The following HDAC9 variants were observed in gnomAD, a reference collection of about 807,000 sequenced individuals.
HDAC9 encodes the protein MEF-2 interacting transcription repressor (MITR) protein.
Under a neutral mutation model 139.4 loss-of-function variants are expected in HDAC9, and 41 were observed. The observed-to-expected ratio is 0.29, with a 90% CI of 0.23 to 0.38. HDAC9 has a LOEUF of 0.38. Ranked by LOEUF, HDAC9 falls within the 10% of genes least tolerant of loss-of-function variation. The pLI, the probability that HDAC9 is intolerant of heterozygous loss-of-function variation, is 1.00. For missense variants in HDAC9, 1,147 were observed against 1,297.0 expected, an observed-to-expected ratio of 0.88 and a Z score of 1.78; for synonymous variants, 517 against 476.2, an observed-to-expected ratio of 1.09 and a Z score of -1.12.
At chr7:18,141,125 C>G (rs1562666692) in intron 1 of HDAC9, among the ~76,000 whole-genome samples, 1 of 152,112 alleles carries the variant, frequency 6.6e-6, no homozygotes, top group Admixed American at 6.6e-5. Flanking sequence ...AGCACAGCTT[C>G]TATTGTTCTG....
chr7:18,412,961 T>C (rs1432503958), intron 1 of HDAC9, among the ~76,000 whole-genome samples: 2 of 152,196 alleles, frequency 1.3e-5, no homozygotes, highest in African/African-American at 4.8e-5. Flanking sequence ...CAAACTACAT[T>C]AGAAACAAGT....
chr7:18,229,798 A>G (rs949866401), intron 2 of HDAC9, among the ~76,000 whole-genome samples: 1 of 152,204 alleles, frequency 6.6e-6, no homozygotes, highest in Non-Finnish European at 1.5e-5. Flanking sequence ...GGAAAAAATC[A>G]TGGAAAGCAT....
chr7:18,711,530 TG>T (rs541099368), intron 12 of HDAC9, among the ~76,000 whole-genome samples: 73 of 152,318 alleles, frequency 4.8e-4, no homozygotes, highest in African/African-American at 1.7e-3. Flanking sequence ...GAGGGAGTCT[TG>T]CACGTGTTGA....
chr7:18,306,093 A>G (rs979938953), intron 1 of HDAC9, among the ~76,000 whole-genome samples: 4 of 152,244 alleles, frequency 2.6e-5, no homozygotes, highest in Non-Finnish European at 5.9e-5. Flanking sequence ...AAGGCAGCCA[A>G]AAAACAATAT....
chr7:18,202,268 TTTG>T (rs1417075651), intron 2 of HDAC9, among the ~76,000 whole-genome samples: 18 of 152,340 alleles, frequency 1.2e-4, no homozygotes, highest in Non-Finnish European at 7.3e-5. Context: ...ACTATTTCAT[TTTG>T]TTCCAGATAT....
At chr7:18,503,915 T>C (rs546516701) in intron 2 of HDAC9, among the ~76,000 whole-genome samples, 1 of 152,298 alleles carries the variant, frequency 6.6e-6, no homozygotes, top group Admixed American at 6.5e-5. Context: ...CATGAAGTTG[T>C]TTCAAAATTT....
At chr7:18,435,867 G>A (rs560788702) in intron 1 of HDAC9, among the ~76,000 whole-genome samples, 1 of 149,460 alleles carries the variant, frequency 6.7e-6, no homozygotes, top group Non-Finnish European at 1.5e-5. Context: ...TGAAAAGAGA[G>A]TGATATGCAA....
chr7:18,761,454 A>G (rs1449852192), intron 14 of HDAC9, among the ~76,000 whole-genome samples: 1 of 152,230 alleles, frequency 6.6e-6, no homozygotes, highest in Non-Finnish European at 1.5e-5. Context: ...AAAATGTTAA[A>G]AATGAAATAC....
intron 8 of HDAC9, among the ~76,000 whole-genome samples, chr7:18,641,530 T>G (rs1394348526): frequency 6.6e-6 from 1 of 152,138 alleles, no homozygotes; most frequent in African/African-American, 2.4e-5. Flanking sequence ...TTGTGAAGGT[T>G]AAACAATAGC....
At chr7:18,965,021 A>G (rs1011219181) in intron 24 of HDAC9, among the ~76,000 whole-genome samples, 4 of 152,234 alleles carry the variant, frequency 2.6e-5, no homozygotes, top group Admixed American at 2.6e-4. Context: ...AGCCCTCATA[A>G]AAGCTATACT....
At chr7:18,803,605 C>A (rs1363862892) in intron 17 of HDAC9, among the ~76,000 whole-genome samples, 1 of 152,114 alleles carries the variant, frequency 6.6e-6, no homozygotes, top group Non-Finnish European at 1.5e-5. Flanking sequence ...ATCTTCTGTG[C>A]TTTTCTGGCT....
At chr7:18,414,725 G>C (rs1209104837) in intron 1 of HDAC9, among the ~76,000 whole-genome samples, 1 of 152,132 alleles carries the variant, frequency 6.6e-6, no homozygotes, top group Non-Finnish European at 1.5e-5. Flanking sequence ...ACATTGTAAT[G>C]GTAGGCACAA....
chr7:18,088,742 C>T (rs542159754), intron 1 of HDAC9, among the ~76,000 whole-genome samples: 35 of 152,196 alleles, frequency 2.3e-4, no homozygotes, highest in Admixed American at 2.2e-3. Context: ...CTTCCTTATC[C>T]TTTTAAACCA....
chr7:18,574,457 C>T (rs994506159), intron 2 of HDAC9, among the ~76,000 whole-genome samples: 4 of 152,210 alleles, frequency 2.6e-5, no homozygotes, highest in African/African-American at 9.6e-5. Flanking sequence ...GGATAAAGCA[C>T]CATAAGTTCT....
chr7:18,202,915 C>T (rs1428133522), intron 2 of HDAC9, among the ~76,000 whole-genome samples: 1 of 152,172 alleles, frequency 6.6e-6, no homozygotes, highest in Non-Finnish European at 1.5e-5. Flanking sequence ...GTTTGCTCAT[C>T]TGCACAATGG....
At chr7:18,826,042 A>G (rs901169151) in intron 17 of HDAC9, among the ~76,000 whole-genome samples, 5 of 152,206 alleles carry the variant, frequency 3.3e-5, no homozygotes, top group Admixed American at 2.0e-4. Flanking sequence ...GAAAAGCAGG[A>G]AGGTTGGGGT....
chr7:18,326,673 T>C (rs1420171537), intron 1 of HDAC9, among the ~76,000 whole-genome samples: 1 of 152,046 alleles, frequency 6.6e-6, no homozygotes, highest in Non-Finnish European at 1.5e-5. Context: ...TTTTAAATTA[T>C]TGAGATTTTT....
At chr7:18,401,891 T>G (rs564438174) in intron 1 of HDAC9, among the ~76,000 whole-genome samples, 172 of 152,344 alleles carry the variant, frequency 1.1e-3, no homozygotes, top group African/African-American at 4.0e-3. Flanking sequence ...GAAACACAAT[T>G]CGAATATAAC....
intron 22 of HDAC9, among the ~76,000 whole-genome samples, chr7:18,885,177 G>T (rs913819245): frequency 2.0e-5 from 3 of 152,216 alleles, no homozygotes; most frequent in Non-Finnish European, 4.4e-5. Context: ...GCACAGCCTG[G>T]TCGTCCAGCA....
Sources: gnomAD v4.1 joint callset for allele counts (sites outside exome capture counted in the v4.1 genomes callset) on GRCh38, gnomAD v4.1.1 for gene constraint, MANE v1.5 for transcripts, NCBI Gene and HGNC (gene_info 2026-07-23, HGNC 2026-07-21) for gene names.